The following PCDHGA3 variants were observed in gnomAD, a reference collection of about 807,000 sequenced individuals.
PCDHGA3 encodes the protein protocadherin gamma-A3.
Under a neutral mutation model 58.5 loss-of-function variants are expected in PCDHGA3, and 40 were observed. That is an observed-to-expected ratio of 0.68 (90% CI 0.53 to 0.89). The LOEUF (loss-of-function observed/expected upper bound fraction) is 0.89, where lower values mean the gene tolerates loss of function less well. Among genes scored for constraint, PCDHGA3 ranks in the 40% least tolerant of loss-of-function variants. PCDHGA3 has a pLI of 0.00. For synonymous variants in PCDHGA3, 530 were observed against 525.7 expected, an observed-to-expected ratio of 1.01 and a Z score of -0.11; for missense variants, 1,223 against 1,195.9, an observed-to-expected ratio of 1.02 and a Z score of -0.33.
At chr5:141,383,731 A>T in intron 1 of PCDHGA3, 1 of 1,614,000 alleles carries the variant, frequency 6.2e-7, no homozygotes. Context: ...TGGGGAAGTG[A>T]CATATTCTTT....
chr5:141,420,804 G>C (rs1283868316), intron 1 of PCDHGA3, among the ~76,000 whole-genome samples: 1 of 152,188 alleles, frequency 6.6e-6, no homozygotes, highest in Non-Finnish European at 1.5e-5. Context: ...TAAAAATTAA[G>C]CAAGCCCTTT....
In PCDHGA3 at chr5:141,431,468, G is replaced by C. The variant is rs756718016; in HGVS notation, c.2425-63339G>C. 4 of 1,613,804 alleles carry C rather than the reference G, an allele frequency of 2.5e-6. No homozygotes were observed. Among genetic ancestry groups the C allele is most frequent in the Non-Finnish European group, 3.4e-6 (4 of 1,179,964 alleles). On this transcript the variant is annotated intron_variant, in intron 1 of 3. Coordinates refer to ENST00000253812, the MANE Select transcript of PCDHGA3 (RefSeq NM_018916.4). The surrounding 1 kb of genome is among the most constrained non-coding windows in gnomAD (Gnocchi z 4.8). Reference sequence around the variant, plus strand: ...CCGCGTGATGGTTCTGGATGCGAACGACAACGCACCAGCGTTTGCTCAGCC... The same window carrying C: ...CCGCGTGATGGTTCTGGATGCGAACCACAACGCACCAGCGTTTGCTCAGCC...
rs756833632 is a variant in PCDHGA3, at chr5:141,393,904, CA to C, written c.2424+47448del. Reference sequence around the variant, plus strand: ...GTGTTAGAAAATTCTCTTCCCGGGACAGTAATTGCCTTCTTGAGTGTGCATG... The same window carrying C: ...GTGTTAGAAAATTCTCTTCCCGGGACGTAATTGCCTTCTTGAGTGTGCATG... On this transcript the variant is annotated intron_variant, in intron 1 of 3. Transcript: ENST00000253812. The C allele has an allele frequency of 1.9e-6, 3 of 1,613,918 alleles. No individual in the cohort carries two copies. In the East Asian group the frequency reaches 6.7e-5, roughly 36 times the overall value.
rs145286084 is a variant in PCDHGA3, at chr5:141,369,646, G to A, written c.2424+23189G>A. Among the ~76,000 whole-genome samples, 4 of 152,222 alleles carry A rather than the reference G, an allele frequency of 2.6e-5. No homozygotes were observed. The East Asian group carries it at 7.7e-4, about 29-fold the overall frequency. On this transcript the variant is annotated intron_variant, in intron 1 of 3. Coordinates refer to ENST00000253812, the MANE Select transcript of PCDHGA3 (RefSeq NM_018916.4). ...CATTACCTTTAACTTCTTTTGGGGG[G>A]AGATAATAAAGATAAAAGAGAAGAA...
At chr5:141,398,450 C>T in intron 1 of PCDHGA3, 1 of 1,574,388 alleles carries the variant, frequency 6.4e-7, no homozygotes, top group East Asian at 2.2e-5. Flanking sequence ...GAATTTGAGG[C>T]TGTTGCTGAA....
rs1333419586 is a variant in PCDHGA3 at position 141,485,206 on chromosome 5, C to T, written c.2425-9601C>T. 1 of 1,614,116 alleles carries T rather than the reference C, an allele frequency of 6.2e-7. No individual in the cohort carries two copies. The highest frequency in any genetic ancestry group is 8.5e-7 in the Non-Finnish European group (1 of 1,179,946). ...GCAAGGTGAGAAGCTGGACAGAAAT[C>T]TGGCGGTGGGCTACCCTTTTGTTCC... On this transcript the variant is annotated intron_variant, in intron 1 of 3. Coordinates refer to ENST00000253812, the MANE Select transcript of PCDHGA3 (RefSeq NM_018916.4). The surrounding 1 kb of genome is among the most constrained non-coding windows in gnomAD (Gnocchi z 5.7).
chr5:141,392,855 C>T (rs756361613), intron 1 of PCDHGA3: 1 of 1,612,176 alleles, frequency 6.2e-7, no homozygotes, highest in Non-Finnish European at 8.5e-7. Flanking sequence ...GCGAGCTGAT[C>T]CTGCTGTGCG....
intron 1 of PCDHGA3, chr5:141,360,571 A>T: frequency 1.2e-6 from 2 of 1,613,992 alleles, no homozygotes; most frequent in Non-Finnish European, 1.7e-6. Flanking sequence ...TGGCGAATCC[A>T]CTAAGCCAGG....
chr5:141,409,415 G>C, intron 1 of PCDHGA3: 1 of 1,614,008 alleles, frequency 6.2e-7, no homozygotes. Context: ...CTACAAACTG[G>C]TGACAGATGG....
chr5:141,490,030 C>G lies in PCDHGA3; in HGVS notation c.2425-4777C>G, dbSNP rs1361758608. The G allele has an allele frequency of 1.2e-6, 2 of 1,614,150 alleles. No individual in the cohort carries two copies. Among genetic ancestry groups the G allele is most frequent in the African/African-American group, 2.7e-5 (2 of 74,936 alleles). The stretch of plus-strand genomic sequence containing the variant: ...ACCCATTGGTACTCTGCTGCTCCGC[C>G]TCAATGCCACTGATCCAGACGAGGG... On this transcript the variant is annotated intron_variant, in intron 1 of 3. Coordinates refer to ENST00000253812, the MANE Select transcript of PCDHGA3 (RefSeq NM_018916.4). This position sits in a 1 kb window ranked among gnomAD's most constrained non-coding sequence, Gnocchi z 5.4.
intron 1 of PCDHGA3, chr5:141,400,422 TA>T: frequency 6.2e-7 from 1 of 1,614,054 alleles, no homozygotes; most frequent in Non-Finnish European, 8.5e-7. Context: ...TCCTAAAATG[TA>T]GTGAGCAATT....
chr5:141,502,331 G>C lies in PCDHGA3; in HGVS notation c.2484-3062G>C, dbSNP rs555959890. ...TCCTTTAATCTGGAGCCAGCTCCCA[G>C]TCTTTTTATTTTTTTAATGACATGG... On this transcript the variant is annotated intron_variant, in intron 2 of 3. Transcript: ENST00000253812. Among the ~76,000 whole-genome samples, 42 of 152,102 alleles carry C rather than the reference G, an allele frequency of 2.8e-4. No individual in the cohort carries two copies. The South Asian group carries it at 6.2e-3, about 23-fold the overall frequency.
At chr5:141,392,893 G>A (rs1281523592) in intron 1 of PCDHGA3, 10 of 1,613,662 alleles carry the variant, frequency 6.2e-6, no homozygotes, top group African/African-American at 2.7e-5. Flanking sequence ...TGGGAAATCG[G>A]GAGGGGACAG....
chr5:141,376,384 T>C (rs1588802430), intron 1 of PCDHGA3: 13 of 1,614,204 alleles, frequency 8.1e-6, no homozygotes, highest in Middle Eastern at 1.7e-4. Context: ...GTAAGAGTCA[T>C]CTGATTTTCC....
intron 1 of PCDHGA3, chr5:141,361,463 C>T: frequency 6.2e-7 from 1 of 1,614,070 alleles, no homozygotes; most frequent in South Asian, 1.1e-5. Context: ...CTGCACATCT[C>T]CGACGTCAAC....
At chr5:141,351,184 A>G (rs1254962185) in intron 1 of PCDHGA3, 8 of 1,613,940 alleles carry the variant, frequency 5.0e-6, no homozygotes, top group African/African-American at 1.3e-5. Flanking sequence ...TTGAAGAGAC[A>G]AGTAGATATG....
At chr5:141,399,632 C>A in intron 1 of PCDHGA3, 2 of 1,613,894 alleles carry the variant, frequency 1.2e-6, no homozygotes, top group Non-Finnish European at 1.7e-6. Context: ...TCTTACGTGT[C>A]CATGAGCGCG....
chr5:141,404,952 G>T, intron 1 of PCDHGA3: 1 of 1,614,030 alleles, frequency 6.2e-7, no homozygotes, highest in Non-Finnish European at 8.5e-7. Flanking sequence ...ATAGCTGACA[G>T]CATCCCAGAC....
chr5:141,452,951 G>T (rs1397204185), intron 1 of PCDHGA3, among the ~76,000 whole-genome samples: 13 of 152,154 alleles, frequency 8.5e-5, no homozygotes, highest in Admixed American at 8.5e-4. Context: ...GCAATTGGTT[G>T]TCTTTAAACT....
Sources: gnomAD v4.1 joint callset for allele counts (sites outside exome capture counted in the v4.1 genomes callset) on GRCh38, gnomAD v4.1.1 for gene constraint, Gnocchi (gnomAD v3.1) non-coding constraint, MANE v1.5 for transcripts, NCBI Gene and HGNC (gene_info 2026-07-23, HGNC 2026-07-21) for gene names.